Variants in SAMD5 observed in about 807,000 individuals in gnomAD.
SAMD5 encodes sterile alpha motif domain containing 5.
SAMD5 carries 13 observed loss-of-function variants against 11.3 expected under a neutral mutation model. That is an observed-to-expected ratio of 1.15 (90% CI 0.75 to 1.83). SAMD5 has a LOEUF of 1.83. Ranked by LOEUF, SAMD5 falls within the 40% of genes most tolerant of loss-of-function variation. The pLI is 0.00. For missense variants in SAMD5, 255 were observed against 239.1 expected (o/e 1.07, Z -0.44); for synonymous variants, 129 against 111.3 (o/e 1.16, Z -1.00).
At chr6:147,759,427 C>G in the SAMD5 span, among the ~76,000 whole-genome samples, 1 of 152,256 alleles carries the variant, frequency 6.6e-6, no homozygotes, top group East Asian at 1.9e-4. Flanking sequence ...GTGTCTAGTA[C>G]AGGCCAGGAC....
At chr6:147,774,374 G>A in the SAMD5 span, among the ~76,000 whole-genome samples, 1 of 152,150 alleles carries the variant, frequency 6.6e-6, no homozygotes, top group Non-Finnish European at 1.5e-5. Flanking sequence ...ATTGTCCCTT[G>A]ATATCCATAG....
intron 1 of SAMD5, among the ~76,000 whole-genome samples, chr6:147,536,219 G>A (rs1047099965): frequency 4.6e-5 from 7 of 152,088 alleles, no homozygotes; most frequent in Admixed American, 6.6e-5. Flanking sequence ...TCCTGACCTC[G>A]TGATCTGCCC....
the SAMD5 span, among the ~76,000 whole-genome samples, chr6:147,902,335 C>T: frequency 2.0e-5 from 3 of 151,988 alleles, no homozygotes; most frequent in East Asian, 1.9e-4. Flanking sequence ...GAAACTACAC[C>T]GAGAAAGTTT....
the SAMD5 span, among the ~76,000 whole-genome samples, chr6:147,854,027 G>A: frequency 5.9e-5 from 9 of 152,136 alleles, no homozygotes; most frequent in Non-Finnish European, 1.2e-4. Flanking sequence ...GATTTAACTA[G>A]TCTAGACATG....
At chr6:147,645,572 GT>G (rs1790385118) in intron 1 of SAMD5, among the ~76,000 whole-genome samples, 1 of 152,156 alleles carries the variant, frequency 6.6e-6, no homozygotes, top group Non-Finnish European at 1.5e-5. Context: ...GAATTCTAAT[GT>G]GTTACATATG....
chr6:147,945,552 G>A, the SAMD5 span, among the ~76,000 whole-genome samples: 5 of 152,164 alleles, frequency 3.3e-5, no homozygotes, highest in African/African-American at 1.2e-4. Flanking sequence ...GGTGATGTCA[G>A]GGATATAGTA....
At chr6:147,772,841 A>G in the SAMD5 span, among the ~76,000 whole-genome samples, 2 of 152,344 alleles carry the variant, frequency 1.3e-5, no homozygotes, top group Admixed American at 6.5e-5. Context: ...GGGCTTCAAC[A>G]TATGAGTTTG....
chr6:147,772,427 A>G, the SAMD5 span, among the ~76,000 whole-genome samples: 1 of 152,078 alleles, frequency 6.6e-6, no homozygotes. Flanking sequence ...ATTAAAATCA[A>G]ATTTTCAGGC....
At chr6:147,837,264 T>C in the SAMD5 span, among the ~76,000 whole-genome samples, 5 of 152,160 alleles carry the variant, frequency 3.3e-5, no homozygotes, top group African/African-American at 1.2e-4. Flanking sequence ...CAGAAGACTC[T>C]GGGATAAGAT....
At chr6:147,913,621 G>A in the SAMD5 span, among the ~76,000 whole-genome samples, 926 of 152,162 alleles carry the variant, frequency 6.1e-3, 13 homozygotes, top group African/African-American at 0.021. Flanking sequence ...TCTTGAACCC[G>A]GGAGGCGGAG....
At chr6:147,581,415 C>T (rs576270399) in intron 1 of SAMD5, among the ~76,000 whole-genome samples, 1 of 152,060 alleles carries the variant, frequency 6.6e-6, no homozygotes, top group Non-Finnish European at 1.5e-5. Context: ...GCTAATTAAA[C>T]CACAGGAAAG....
chr6:147,511,747 T>C (rs1788094535), intron 1 of SAMD5, among the ~76,000 whole-genome samples: 1 of 152,080 alleles, frequency 6.6e-6, no homozygotes, highest in African/African-American at 2.4e-5. Context: ...AGCATACAAA[T>C]GTTTAGTACC....
At chr6:147,692,151 A>G (rs1791113384) in intron 1 of SAMD5, among the ~76,000 whole-genome samples, 1 of 152,186 alleles carries the variant, frequency 6.6e-6, no homozygotes, top group Admixed American at 6.5e-5. Flanking sequence ...TCCATACTAT[A>G]GAGCCACATC....
the SAMD5 span, among the ~76,000 whole-genome samples, chr6:147,838,531 G>GCCCCCCCCCCCC: frequency 7.8e-6 from 1 of 127,706 alleles, no homozygotes; most frequent in Non-Finnish European, 1.6e-5. Flanking sequence ...AGAATATCCT[G>GCCCCCCCCCCCC]CCCCCCCCCC....
chr6:147,653,966 C>A (rs1371883455), intron 1 of SAMD5, among the ~76,000 whole-genome samples: 1 of 152,186 alleles, frequency 6.6e-6, no homozygotes, highest in East Asian at 1.9e-4. Flanking sequence ...ACACTGGTCA[C>A]AGCCCAGAAG....
At chr6:147,529,572 C>A (rs553062372) in intron 1 of SAMD5, among the ~76,000 whole-genome samples, 1 of 152,182 alleles carries the variant, frequency 6.6e-6, no homozygotes, top group Non-Finnish European at 1.5e-5. Context: ...TCATTACAGA[C>A]AACCTCATAG....
chr6:147,754,638 G>T, the SAMD5 span, among the ~76,000 whole-genome samples: 4 of 152,066 alleles, frequency 2.6e-5, no homozygotes, highest in South Asian at 4.1e-4. Flanking sequence ...TCTTTGACCA[G>T]ACCAATGTCC....
the SAMD5 span, among the ~76,000 whole-genome samples, chr6:147,806,822 G>T: frequency 6.6e-6 from 1 of 152,130 alleles, no homozygotes; most frequent in African/African-American, 2.4e-5. Context: ...TTTGAAGATT[G>T]TATTTGGGAG....
At chr6:147,784,125 A>G in the SAMD5 span, among the ~76,000 whole-genome samples, 1 of 152,174 alleles carries the variant, frequency 6.6e-6, no homozygotes, top group African/African-American at 2.4e-5. Flanking sequence ...TACCCCTGCA[A>G]ACGGTGGTAG....
Sources: allele counts gnomAD v4.1 joint callset (sites outside exome capture counted in the v4.1 genomes callset), GRCh38; gene constraint gnomAD v4.1.1; transcripts MANE v1.5; gene names NCBI Gene and HGNC (gene_info 2026-07-23, HGNC 2026-07-21).